The following KAZN variants were observed in gnomAD, a reference collection of about 807,000 sequenced individuals.
KAZN encodes the protein kazrin.
In KAZN, 40 loss-of-function variants were observed where a neutral mutation model predicts 87.4. The observed-to-expected ratio is 0.46, with a 90% CI of 0.36 to 0.60. The LOEUF is 0.60. KAZN is among the 20% of genes least tolerant of loss of function. KAZN has a pLI of 0.00. For synonymous variants in KAZN, 466 were observed against 458.3 expected, an observed-to-expected ratio of 1.02 and a Z score of -0.22; for missense variants, 898 against 1,073.9, an observed-to-expected ratio of 0.84 and a Z score of 2.29.
chr1:15,032,253 C>T (rs1438053686), intron 2 of KAZN, among the ~76,000 whole-genome samples: 6 of 139,710 alleles, frequency 4.3e-5, no homozygotes, highest in South Asian at 2.2e-4. Context: ...AGTGCAGTGG[C>T]GCGATCTTGG....
At chr1:14,160,456 T>C (rs55936209) in intron 1 of KAZN, among the ~76,000 whole-genome samples, 26,531 of 152,144 alleles carry the variant, frequency 0.17, 2,892 homozygotes, top group East Asian at 0.33. Flanking sequence ...GGTGAGGGGC[T>C]GGAAGGAGGG....
chr1:14,877,605 G>T (rs1652912384), intron 1 of KAZN, among the ~76,000 whole-genome samples: 3 of 152,284 alleles, frequency 2.0e-5, no homozygotes, highest in Admixed American at 2.0e-4. Flanking sequence ...GTGACAGCTT[G>T]GGTTCAAGTC....
intron 1 of KAZN, among the ~76,000 whole-genome samples, chr1:14,764,565 G>A (rs1644838410): frequency 6.6e-6 from 1 of 151,952 alleles, no homozygotes; most frequent in African/African-American, 2.4e-5. Flanking sequence ...TGCCTGTTTT[G>A]TTGACCCATG....
intron 2 of KAZN, among the ~76,000 whole-genome samples, chr1:14,467,404 C>A (rs1214185736): frequency 6.7e-6 from 1 of 149,794 alleles, no homozygotes; most frequent in Non-Finnish European, 1.5e-5. Context: ...AGTTAGTAAT[C>A]GAGAAATGGT....
intron 1 of KAZN, among the ~76,000 whole-genome samples, chr1:13,970,189 A>G (rs1489383382): frequency 6.6e-6 from 1 of 152,240 alleles, no homozygotes; most frequent in African/African-American, 2.4e-5. Flanking sequence ...GAATATGCCA[A>G]ATACCATCTG....
intron 1 of KAZN, among the ~76,000 whole-genome samples, chr1:13,954,027 T>C (rs1641448393): frequency 6.6e-6 from 1 of 152,202 alleles, no homozygotes; most frequent in South Asian, 2.1e-4. Context: ...GTAAACTTTG[T>C]TTTTTTCCAT....
At chr1:14,590,852 G>A (rs1423474347) in intron 2 of KAZN, among the ~76,000 whole-genome samples, 3 of 152,204 alleles carry the variant, frequency 2.0e-5, no homozygotes, top group Non-Finnish European at 4.4e-5. Context: ...CAGTGAGGAA[G>A]TTGAGACAGT....
chr1:14,057,280 G>C (rs1473289904), intron 1 of KAZN, among the ~76,000 whole-genome samples: 1 of 151,844 alleles, frequency 6.6e-6, no homozygotes, highest in Non-Finnish European at 1.5e-5. Context: ...GATTACAGGT[G>C]CTTACCACCA....
intron 1 of KAZN, among the ~76,000 whole-genome samples, chr1:14,841,123 T>C (rs1572623311): frequency 6.6e-6 from 1 of 152,144 alleles, no homozygotes; most frequent in Non-Finnish European, 1.5e-5. Flanking sequence ...CTGTTAGAAA[T>C]GGAGCCATAA....
intron 2 of KAZN, among the ~76,000 whole-genome samples, chr1:14,382,910 G>T (rs1661502486): frequency 1.3e-5 from 2 of 151,856 alleles, no homozygotes; most frequent in African/African-American, 4.8e-5. Flanking sequence ...TTCCACAATG[G>T]TTGAACTAGT....
At chr1:14,950,717 G>A (rs1367574296) in intron 1 of KAZN, among the ~76,000 whole-genome samples, 4 of 152,114 alleles carry the variant, frequency 2.6e-5, no homozygotes, top group African/African-American at 4.8e-5. Context: ...GCTAATCCAA[G>A]ACTCCCAACC....
intron 1 of KAZN, among the ~76,000 whole-genome samples, chr1:14,661,832 C>G (rs1192166573): frequency 2.0e-5 from 3 of 152,120 alleles, no homozygotes; most frequent in African/African-American, 7.2e-5. Flanking sequence ...GTGAGGATCA[C>G]TTGAATCTGG....
At chr1:14,922,132 T>C (rs747355319) in intron 1 of KAZN, among the ~76,000 whole-genome samples, 1 of 152,240 alleles carries the variant, frequency 6.6e-6, no homozygotes, top group Non-Finnish European at 1.5e-5. Context: ...GTGAAAAGTC[T>C]TCCTAAGTGT....
chr1:14,417,011 T>TACACACACACACAC (rs58667891), intron 2 of KAZN, among the ~76,000 whole-genome samples: 2 of 145,518 alleles, frequency 1.4e-5, no homozygotes, highest in African/African-American at 5.1e-5. Context: ...TATATATATG[T>TACACACACACACAC]ACACACACAC....
At chr1:14,083,523 T>C (rs990472051) in intron 1 of KAZN, among the ~76,000 whole-genome samples, 8 of 152,202 alleles carry the variant, frequency 5.3e-5, no homozygotes, top group African/African-American at 1.9e-4. Context: ...TGCAAGTGAC[T>C]AGCATGGTGC....
At chr1:14,824,288 G>A (rs544618553) in intron 1 of KAZN, among the ~76,000 whole-genome samples, 1 of 152,252 alleles carries the variant, frequency 6.6e-6, no homozygotes, top group South Asian at 2.1e-4. Flanking sequence ...GCTAGAAAGG[G>A]ATAGGCAGAG....
At chr1:14,266,469 G>A (rs951261119) in intron 2 of KAZN, among the ~76,000 whole-genome samples, 3 of 152,094 alleles carry the variant, frequency 2.0e-5, no homozygotes, top group African/African-American at 7.2e-5. Context: ...AAATTACTAT[G>A]GCATATTTGT....
chr1:14,743,428 T>C (rs1258661089), intron 1 of KAZN, among the ~76,000 whole-genome samples: 4 of 111,008 alleles, frequency 3.6e-5, no homozygotes, highest in African/African-American at 1.0e-4. Context: ...AGACTCTGTC[T>C]CAAAAAAAAA....
intron 1 of KAZN, among the ~76,000 whole-genome samples, chr1:13,932,259 T>TAG (rs59236382): frequency 7.9e-6 from 1 of 126,560 alleles, no homozygotes; most frequent in African/African-American, 3.2e-5. Context: ...TTATTAAACA[T>TAG]TTTTTTTTTT....
Sources: gnomAD v4.1 joint callset for allele counts (sites outside exome capture counted in the v4.1 genomes callset) on GRCh38, gnomAD v4.1.1 for gene constraint, MANE v1.5 for transcripts, NCBI Gene and HGNC (gene_info 2026-07-23, HGNC 2026-07-21) for gene names.